The following POGZ variants were observed in gnomAD, a reference collection of about 807,000 sequenced individuals.
The protein encoded by POGZ is pogo transposable element derived with ZNF domain, also known as pogo transposable element with ZNF domain.
Under a neutral mutation model 134.6 loss-of-function variants are expected in POGZ, and 17 were observed. That is an observed-to-expected ratio of 0.13 (90% CI 0.09 to 0.19). POGZ has a LOEUF of 0.19. Ranked by LOEUF, POGZ falls within the 10% of genes least tolerant of loss-of-function variation. POGZ has a pLI of 1.00. For missense variants in POGZ, 1,306 were observed against 1,769.7 expected (o/e 0.74, Z 4.70); for synonymous variants, 693 against 657.1 (o/e 1.05, Z -0.84).
intron 3 of POGZ, among the ~76,000 whole-genome samples, chr1:151,438,615 C>T (rs1452544851): frequency 6.6e-6 from 1 of 152,054 alleles, no homozygotes; most frequent in Non-Finnish European, 1.5e-5. Flanking sequence ...GGCTCACTCA[C>T]GCCTGTAATC....
At chr1:151,432,449 C>T (rs1427440041) in intron 3 of POGZ, among the ~76,000 whole-genome samples, 2 of 152,096 alleles carry the variant, frequency 1.3e-5, no homozygotes, top group East Asian at 1.9e-4. Flanking sequence ...AGCCAGAAGA[C>T]CAGTGATTGT....
At chr1:151,429,733 T>A in intron 4 of POGZ, 22 bp from the exon 5 acceptor site, 8 of 1,420,618 alleles carry the variant, frequency 5.6e-6, no homozygotes, top group Non-Finnish European at 8.0e-6. Flanking sequence ...AGCAAAATGA[T>A]CTTTAACATG....
intron 1 of POGZ, among the ~76,000 whole-genome samples, chr1:151,457,913 G>A (rs1180617400): frequency 4.9e-5 from 7 of 143,704 alleles, no homozygotes; most frequent in African/African-American, 1.3e-4. Context: ...GGCGACAAGA[G>A]TGAAACTTCG....
chr1:151,430,229 A>G (rs991066903), intron 4 of POGZ, among the ~76,000 whole-genome samples: 2 of 152,176 alleles, frequency 1.3e-5, no homozygotes, highest in African/African-American at 2.4e-5. Flanking sequence ...TTCAACTTCA[A>G]TTCAACACAT....
rs1410324920 is a variant in POGZ, at chr1:151,425,014, T to C, written c.1126A>G (p.Ile376Val). Residue 376 changes from isoleucine (I) to valine (V), a missense_variant, in exon 8 of 19, where the codon ATA becomes GTA. Coordinates refer to ENST00000271715, the MANE Select transcript of POGZ (RefSeq NM_015100.4). ...VFDLQDGGRK[I>V]CPRCNAQFRV... The stretch of plus-strand genomic sequence containing the variant: ...AATTGAGCATTACATCGTGGACATA[T>C]TTTCCGTCCACCATCCTGGAGGTCA... 1 of 1,597,364 alleles carries C rather than the reference T, an allele frequency of 6.3e-7. No homozygotes were observed. The highest frequency in any genetic ancestry group is 2.2e-5 in the East Asian group (1 of 44,758).
chr1:151,404,241 A>G lies in POGZ; in HGVS notation c.*561T>C. 1 of 984,364 alleles carries G rather than the reference A, an allele frequency of 1.0e-6. No individual in the cohort carries two copies. The highest frequency in any genetic ancestry group is 4.7e-5 in the South Asian group (1 of 21,262). 61.0% of individuals were successfully genotyped at this position (984,364 alleles called of 1,614,324 possible). On this transcript the variant is annotated 3_prime_UTR_variant, in exon 19 of 19. Transcript: ENST00000271715. ...TTTTTTTCCATTTTCATTTTTATAT[A>G]AAAGTGTTAAGACCACAATGAAAAA...
intron 1 of POGZ, among the ~76,000 whole-genome samples, chr1:151,442,685 TG>T (rs58348751): frequency 0.78 from 109,336 of 139,486 alleles, 43,067 homozygotes; most frequent in Non-Finnish European, 0.82. Flanking sequence ...CACTCCAGCC[TG>T]GGGGACAGAG....
chr1:151,442,644 G>A (rs1259986608), intron 1 of POGZ, among the ~76,000 whole-genome samples: 1 of 148,430 alleles, frequency 6.7e-6, no homozygotes, highest in African/African-American at 2.5e-5. Flanking sequence ...CCAGGAGGCA[G>A]AGGTTGCAGG....
At chr1:151,428,478 C>T (rs1281993727) in intron 5 of POGZ, 65 bp from the exon 6 acceptor site, 11 of 1,371,930 alleles carry the variant, frequency 8.0e-6, no homozygotes, top group Non-Finnish European at 1.1e-5. Flanking sequence ...ATTCTCCCTG[C>T]CTTTACTGGA....
intron 7 of POGZ, chr1:151,426,140 T>A (rs549232968): frequency 6.6e-6 from 1 of 152,250 alleles, no homozygotes; most frequent in East Asian, 1.9e-4. Flanking sequence ...TTATTGGCAA[T>A]AACTTTCTTT....
intron 4 of POGZ, 89 bp downstream of exon 4, chr1:151,430,577 T>C: frequency 1.0e-6 from 1 of 985,532 alleles, no homozygotes. Context: ...GAACCACTTC[T>C]AATGACGCCA....
At chr1:151,456,413 CA>C (rs1229454095) in intron 1 of POGZ, among the ~76,000 whole-genome samples, 1 of 152,162 alleles carries the variant, frequency 6.6e-6, no homozygotes, top group Non-Finnish European at 1.5e-5. Flanking sequence ...CTAAAAGTGA[CA>C]AGCTCACTTC....
chr1:151,442,247 G>A, intron 1 of POGZ, 42 bp from the exon 2 acceptor site: 1 of 1,582,962 alleles, frequency 6.3e-7, no homozygotes, highest in Middle Eastern at 1.7e-4. Flanking sequence ...CCTAAGAATA[G>A]GAGATATTGC....
intron 10 of POGZ, among the ~76,000 whole-genome samples, chr1:151,416,624 G>GT (rs1209806333): frequency 2.0e-5 from 2 of 97,598 alleles, no homozygotes; most frequent in African/African-American, 3.0e-5. Flanking sequence ...CTACTTTTTG[G>GT]GTTTTTTTTT....
chr1:151,421,838 T>C (rs769100037), intron 10 of POGZ, among the ~76,000 whole-genome samples: 2 of 152,208 alleles, frequency 1.3e-5, no homozygotes, highest in Non-Finnish European at 1.5e-5. Flanking sequence ...CTGCAACCTC[T>C]ACCTCCTGGG....
In POGZ at chr1:151,412,204, T is replaced by C; in HGVS notation, c.1779+92A>G. ...ACTCAGAGTTCCTAAACTGAGTGTATGCAGTAGGTGGTCAACAATATTCAT... is the reference window on the plus strand; with the variant it reads ...ACTCAGAGTTCCTAAACTGAGTGTACGCAGTAGGTGGTCAACAATATTCAT... On this transcript the variant is annotated intron_variant, in intron 11 of 18. Transcript: ENST00000271715. 1.0e-5 allele frequency: 7 copies of C among 683,858 alleles called. No homozygotes were observed. In the South Asian group the frequency reaches 1.1e-4, roughly 10 times the overall value. 42.4% of individuals were successfully genotyped at this position (683,858 alleles called of 1,614,324 possible). A position where few individuals can be genotyped will look rare whatever the true frequency, so the allele number is the denominator to read the frequency against.
chr1:151,406,727 G>A (rs1204283258), intron 17 of POGZ, 96 bp from the exon 18 acceptor site: 3 of 1,126,106 alleles, frequency 2.7e-6, no homozygotes, highest in Admixed American at 2.0e-5. Context: ...ATACAAATAC[G>A]CTGTTCGCAG....
intron 10 of POGZ, among the ~76,000 whole-genome samples, chr1:151,415,145 A>C (rs963284165): frequency 3.9e-4 from 59 of 152,026 alleles, no homozygotes; most frequent in African/African-American, 1.4e-3. Context: ...AGATTTTGTC[A>C]ATTTGTTTTC....
chr1:151,410,784 T>C (rs1054251090), intron 12 of POGZ, among the ~76,000 whole-genome samples: 1 of 152,148 alleles, frequency 6.6e-6, no homozygotes, highest in African/African-American at 2.4e-5. Flanking sequence ...AAATATACTT[T>C]CTCTATTGTT....
Sources: allele counts gnomAD v4.1 joint callset (sites outside exome capture counted in the v4.1 genomes callset), GRCh38; gene constraint gnomAD v4.1.1; transcripts MANE v1.5; gene names NCBI Gene and HGNC (gene_info 2026-07-23, HGNC 2026-07-21).